Variants in DDR2 observed in about 807,000 individuals in gnomAD.
DDR2 encodes the protein discoidin domain receptor tyrosine kinase 2, also known as discoidin domain-containing receptor 2.
A neutral mutation model predicts 94.9 loss-of-function variants in DDR2; 27 were observed. The ratio of observed to expected loss-of-function variants is 0.28; its 90% confidence interval spans 0.21 to 0.39. DDR2 has a LOEUF of 0.39. Ranked by LOEUF, DDR2 falls within the 10% of genes least tolerant of loss-of-function variation. DDR2 has a pLI of 1.00. For missense variants in DDR2, 783 were observed against 1,076.0 expected (o/e 0.73, Z 3.81); for synonymous variants, 382 against 377.2 (o/e 1.01, Z -0.15).
Position 162,770,386 on chromosome 1 carries a change from T to C in DDR2, c.1378T>C (p.Ser460Pro). Residue 460 changes from serine (S) to proline (P), a missense_variant, in exon 12 of 18, where the codon TCA (serine) becomes CCA (proline). By Grantham distance (74) the Ser-to-Pro change is moderately conservative (BLOSUM62 -1). Coordinates refer to ENST00000367921, the MANE Select transcript of DDR2 (RefSeq NM_006182.4). ...TAGCATGTTCAACAATAACCGCTCCTCATCACCTAGTGAACAAGGGTCCAA... is the reference window on the plus strand; with the variant it reads ...TAGCATGTTCAACAATAACCGCTCCCCATCACCTAGTGAACAAGGGTCCAA... The part of the protein sequence containing the change: ...DSSMFNNNRS[S>P]SPSEQGSNST... 1 of 1,614,096 alleles carries C rather than the reference T, an allele frequency of 6.2e-7. No homozygotes were observed. Among genetic ancestry groups the C allele is most frequent in the South Asian group, 1.1e-5 (1 of 91,068 alleles).
chr1:162,709,294 A>G (rs936837029), intron 2 of DDR2, among the ~76,000 whole-genome samples: 1 of 152,198 alleles, frequency 6.6e-6, no homozygotes, highest in Non-Finnish European at 1.5e-5. Flanking sequence ...CAGTTATCAG[A>G]GACAGACAGG....
chr1:162,746,505 C>A (rs1009055625), intron 3 of DDR2, among the ~76,000 whole-genome samples: 1 of 152,206 alleles, frequency 6.6e-6, no homozygotes, highest in African/African-American at 2.4e-5. Flanking sequence ...CACAGCTCAA[C>A]CAGGCCTGCC....
intron 3 of DDR2, among the ~76,000 whole-genome samples, chr1:162,740,988 G>C (rs1662557948): frequency 6.6e-6 from 1 of 151,840 alleles, no homozygotes; most frequent in Non-Finnish European, 1.5e-5. Context: ...AAAGGTTAAA[G>C]TCTGGTGTAT....
chr1:162,760,380 G>GTA (rs1235530258), intron 8 of DDR2, among the ~76,000 whole-genome samples: 3 of 147,266 alleles, frequency 2.0e-5, no homozygotes, highest in Admixed American at 1.4e-4. Flanking sequence ...GTGTGTGTGT[G>GTA]TATACACACA....
chr1:162,697,206 T>C (rs1571211715), intron 2 of DDR2, among the ~76,000 whole-genome samples: 2 of 151,904 alleles, frequency 1.3e-5, no homozygotes, highest in South Asian at 4.1e-4. Flanking sequence ...TTGGTTAGAG[T>C]GCGTCTTTCT....
At chr1:162,713,694 T>C (rs1041996477) in intron 2 of DDR2, among the ~76,000 whole-genome samples, 2 of 152,226 alleles carry the variant, frequency 1.3e-5, no homozygotes, top group Non-Finnish European at 2.9e-5. Flanking sequence ...TCATTGTTAC[T>C]ATTGCATAGC....
intron 2 of DDR2, among the ~76,000 whole-genome samples, chr1:162,712,645 T>G (rs1660971679): frequency 6.6e-6 from 1 of 152,102 alleles, no homozygotes; most frequent in Non-Finnish European, 1.5e-5. Flanking sequence ...TGAAATCAAT[T>G]TGGAATGTCC....
intron 2 of DDR2, among the ~76,000 whole-genome samples, chr1:162,683,164 A>C (rs1659496353): frequency 6.6e-6 from 1 of 152,172 alleles, no homozygotes; most frequent in African/African-American, 2.4e-5. Context: ...CTTAAAAAAA[A>C]CTCTCGGCAA....
Position 162,781,453 on chromosome 1 carries a change from G to A in DDR2, c.*1207G>A, listed in dbSNP as rs987222530. The A allele has an allele frequency of 2.6e-5, 4 of 152,234 alleles. No homozygotes were observed. Among genetic ancestry groups the A allele is most frequent in the African/African-American group, 9.7e-5 (4 of 41,448 alleles). 9.4% of individuals were successfully genotyped at this position (152,234 alleles called of 1,614,324 possible). A position where few individuals can be genotyped will look rare whatever the true frequency, so the allele number is the denominator to read the frequency against. Reference sequence around the variant, plus strand: ...GGATAAATGGGCTGCCACCAGAGGTGAGGAGTCTCTTGTCACTGGAGAGGT... The same window carrying A: ...GGATAAATGGGCTGCCACCAGAGGTAAGGAGTCTCTTGTCACTGGAGAGGT... On this transcript the variant is annotated 3_prime_UTR_variant, in exon 18 of 18. Coordinates refer to ENST00000367921, the MANE Select transcript of DDR2 (RefSeq NM_006182.4).
At chr1:162,711,669 G>C (rs180885577) in intron 2 of DDR2, among the ~76,000 whole-genome samples, 2 of 152,072 alleles carry the variant, frequency 1.3e-5, no homozygotes, top group South Asian at 4.1e-4. Flanking sequence ...TTATCACTGG[G>C]GTGGAAATGA....
intron 3 of DDR2, among the ~76,000 whole-genome samples, chr1:162,741,275 A>AGT (rs1297498778): frequency 3.5e-4 from 42 of 119,636 alleles, no homozygotes; most frequent in African/African-American, 1.3e-3. Context: ...AATATAATAT[A>AGT]ATATAATATA....
chr1:162,654,762 A>C (rs1382956735), intron 1 of DDR2, among the ~76,000 whole-genome samples: 1 of 152,184 alleles, frequency 6.6e-6, no homozygotes, highest in Non-Finnish European at 1.5e-5. Flanking sequence ...GGAGTTTTCC[A>C]GAGGCTCAGT....
intron 1 of DDR2, among the ~76,000 whole-genome samples, chr1:162,646,613 T>C (rs1284748725): frequency 6.6e-6 from 1 of 152,208 alleles, no homozygotes; most frequent in Non-Finnish European, 1.5e-5. Flanking sequence ...AGCCTCTTCT[T>C]ATGTCTCCAT....
chr1:162,671,545 C>T (rs946613621), intron 2 of DDR2, among the ~76,000 whole-genome samples: 9 of 152,114 alleles, frequency 5.9e-5, no homozygotes, highest in Non-Finnish European at 1.2e-4. Flanking sequence ...GCCTTTTTTA[C>T]TTTGGAGTCA....
chr1:162,670,424 CT>C (rs2101936359), intron 2 of DDR2, among the ~76,000 whole-genome samples: 1 of 152,312 alleles, frequency 6.6e-6, no homozygotes, highest in Non-Finnish European at 1.5e-5. Context: ...CATTTTAAGG[CT>C]TTGCAATTGA....
At chr1:162,699,187 C>T (rs1315661588) in intron 2 of DDR2, among the ~76,000 whole-genome samples, 1 of 152,222 alleles carries the variant, frequency 6.6e-6, no homozygotes, top group African/African-American at 2.4e-5. Context: ...AGATAAGAGA[C>T]ATTTGAATTT....
At chr1:162,765,608 TC>T (rs1663948277) in intron 9 of DDR2, among the ~76,000 whole-genome samples, 1 of 151,834 alleles carries the variant, frequency 6.6e-6, no homozygotes, top group African/African-American at 2.4e-5. Context: ...CAATCTAATA[TC>T]CTTGAAGGAA....
intron 2 of DDR2, among the ~76,000 whole-genome samples, chr1:162,691,281 G>A (rs1043337112): frequency 6.6e-6 from 1 of 152,170 alleles, no homozygotes; most frequent in African/African-American, 2.4e-5. Flanking sequence ...CTGGGCTCTG[G>A]AAGGACTGGC....
rs1401107136 is a variant in DDR2 at position 162,783,441 on chromosome 1, G to C, written c.*3195G>C. The C allele has an allele frequency of 6.6e-6, 1 of 152,112 alleles. No individual in the cohort carries two copies. Among genetic ancestry groups the C allele is most frequent in the Admixed American group, 6.6e-5 (1 of 15,258 alleles). The allele number at this position is 152,112 out of a possible 1,614,324, so 9.4% of individuals were successfully genotyped here. A position where few individuals can be genotyped will look rare whatever the true frequency, so the allele number is the denominator to read the frequency against. Reference sequence around the variant, plus strand: ...TGCATATGACTGAATAGGGAGGAAGGTCAGGGCTAGAAAGGAGGCTACATA... The same window carrying C: ...TGCATATGACTGAATAGGGAGGAAGCTCAGGGCTAGAAAGGAGGCTACATA... On this transcript the variant is annotated 3_prime_UTR_variant, in exon 18 of 18. Coordinates refer to ENST00000367921, the MANE Select transcript of DDR2 (RefSeq NM_006182.4).
Sources: gnomAD v4.1 joint callset for allele counts (sites outside exome capture counted in the v4.1 genomes callset) on GRCh38, gnomAD v4.1.1 for gene constraint, MANE v1.5 for transcripts, NCBI Gene and HGNC (gene_info 2026-07-23, HGNC 2026-07-21) for gene names.